The following MICU2 variants were observed in gnomAD, a reference collection of about 807,000 sequenced individuals.
The protein encoded by MICU2 is calcium uptake protein 2, mitochondrial.
MICU2 carries 64 observed loss-of-function variants against 60.4 expected under a neutral mutation model. The observed-to-expected ratio is 1.06, with a 90% CI of 0.87 to 1.31. The LOEUF (loss-of-function observed/expected upper bound fraction) is 1.31. MICU2 is among the 50% of genes most tolerant of loss of function. MICU2 has a pLI of 0.00. For missense variants in MICU2, 569 were observed against 531.0 expected (o/e 1.07, Z -0.70); for synonymous variants, 201 against 175.0 (o/e 1.15, Z -1.17).
intron 2 of MICU2, among the ~76,000 whole-genome samples, chr13:21,566,043 T>C (rs889420591): frequency 6.6e-6 from 1 of 152,216 alleles, no homozygotes; most frequent in Non-Finnish European, 1.5e-5. Flanking sequence ...TCACTGAATT[T>C]ATTGTCCCTA....
At chr13:21,539,743 T>C (rs910275252) in intron 2 of MICU2, 55 bp from the exon 3 acceptor site, 10 of 1,484,720 alleles carry the variant, frequency 6.7e-6, no homozygotes, top group African/African-American at 2.8e-5. Flanking sequence ...AAAACTCAAC[T>C]TGCACTAAGA....
At chr13:21,582,536 T>C (rs981391211) in intron 1 of MICU2, among the ~76,000 whole-genome samples, 1 of 152,254 alleles carries the variant, frequency 6.6e-6, no homozygotes, top group South Asian at 2.1e-4. Context: ...TTGTTAGATA[T>C]GAGTTCTAAA....
At chr13:21,493,777 C>T (rs1365019829) in intron 11 of MICU2, among the ~76,000 whole-genome samples, 5 of 145,218 alleles carry the variant, frequency 3.4e-5, no homozygotes, top group Non-Finnish European at 6.0e-5. Context: ...TTAACATTGG[C>T]TAAAATTAAA....
chr13:21,539,302 CT>C lies in MICU2; in HGVS notation c.465del (p.Leu157Ter). 6.2e-7 allele frequency: 1 copy of C among 1,613,114 alleles called. No homozygotes were observed. The part of the protein sequence containing the change: ...GSTFFRDLGD[K>X]GLISYTEYLF... ...AAATTTAACAACAAACCAAAATTAC[CT>C]TTATCGCCAAGGTCTCTGAAAAAAG... On this transcript the variant is annotated frameshift_variant and splice_region_variant, in exon 4 of 12. Transcript: ENST00000382374. LOFTEE classifies it high-confidence loss of function.
Position 21,538,581 on chromosome 13 carries a change from C to A in MICU2, c.466+721G>T, listed in dbSNP as rs1243850281. Among the ~76,000 whole-genome samples the A allele has an allele frequency of 2.6e-3, 234 of 91,184 alleles. 2 individuals are homozygous for A. The highest frequency in any genetic ancestry group is 6.0e-3 in the African/African-American group (171 of 28,384). 59.8% of individuals were successfully genotyped at this position (91,184 alleles called of 152,430 possible). Reference sequence around the variant, plus strand: ...CTGTCTCAAAAAAAAAAAAAAAAAACCCCAAACAACCCACACCAATACAAA... The same window carrying A: ...CTGTCTCAAAAAAAAAAAAAAAAAAACCCAAACAACCCACACCAATACAAA... On this transcript the variant is annotated intron_variant, in intron 4 of 11. Coordinates refer to ENST00000382374, the MANE Select transcript of MICU2 (RefSeq NM_152726.3).
chr13:21,521,427 ATGAG>A, intron 5 of MICU2, 100 bp from the exon 6 acceptor site: 2 of 806,050 alleles, frequency 2.5e-6, no homozygotes. Flanking sequence ...CAGAAACTGT[ATGAG>A]TAAGTGCCTA....
At position 21,566,836 on chromosome 13, in the gene MICU2, G is replaced by C. The variant is rs776458287; in HGVS notation, c.319C>G (p.Arg107Gly). The part of the protein sequence containing the change: ...EHEGEYYMTP[R>G]DFLFSVMFEQ... Reference sequence around the variant, plus strand: ...AACATCACTGAGAAGAGGAAGTCTCGTGGTGTCATATAATATTCTCCTTCA... The same window carrying C: ...AACATCACTGAGAAGAGGAAGTCTCCTGGTGTCATATAATATTCTCCTTCA... Residue 107 changes from arginine to glycine, a missense_variant, in exon 2 of 12, where the codon CGA becomes GGA. Transcript: ENST00000382374. 16 of 1,609,108 alleles carry C rather than the reference G, an allele frequency of 9.9e-6. No homozygotes were observed. In the Admixed American group the frequency reaches 2.0e-4, roughly 20 times the overall value.
chr13:21,506,535 T>C (rs535093666), intron 8 of MICU2, among the ~76,000 whole-genome samples: 1 of 152,228 alleles, frequency 6.6e-6, no homozygotes, highest in Non-Finnish European at 1.5e-5. Flanking sequence ...TGATTTTACA[T>C]AGAGGCTATT....
chr13:21,552,608 G>A (rs1405558322), intron 2 of MICU2, among the ~76,000 whole-genome samples: 5 of 152,064 alleles, frequency 3.3e-5, no homozygotes, highest in Admixed American at 6.6e-5. Context: ...ATTTTTGTAT[G>A]AGGTGTAAGG....
At chr13:21,498,546 T>G (rs2138130802) in intron 9 of MICU2, among the ~76,000 whole-genome samples, 1 of 152,186 alleles carries the variant, frequency 6.6e-6, no homozygotes, top group African/African-American at 2.4e-5. Context: ...GTCCGGCTAA[T>G]TTTTGTATTT....
At chr13:21,569,552 T>C (rs1411917364) in intron 1 of MICU2, among the ~76,000 whole-genome samples, 1 of 152,020 alleles carries the variant, frequency 6.6e-6, no homozygotes, top group Non-Finnish European at 1.5e-5. Flanking sequence ...CCACCTTCTC[T>C]GAAGAAAACA....
intron 1 of MICU2, among the ~76,000 whole-genome samples, chr13:21,569,988 T>C (rs1385609285): frequency 3.9e-5 from 6 of 152,094 alleles, no homozygotes; most frequent in African/African-American, 1.2e-4. Context: ...GTGTGGGTAA[T>C]GGTAGTTGGG....
At chr13:21,582,086 C>T (rs1048127236) in intron 1 of MICU2, among the ~76,000 whole-genome samples, 1 of 152,148 alleles carries the variant, frequency 6.6e-6, no homozygotes, top group Non-Finnish European at 1.5e-5. Flanking sequence ...ATGATAAATA[C>T]TTATAGCTTT....
intron 9 of MICU2, among the ~76,000 whole-genome samples, chr13:21,498,925 G>T (rs1037932496): frequency 1.3e-5 from 2 of 152,090 alleles, no homozygotes; most frequent in African/African-American, 4.8e-5. Context: ...CTGCTTTTCT[G>T]ATAGATGAAA....
Position 21,495,308 on chromosome 13 carries a change from C to G in MICU2, c.1053G>C (p.Lys351Asn). The change falls in exon 11 of 12, where the codon AAG becomes AAC. Residue 351 changes from lysine to asparagine, a missense_variant. By Grantham distance (94) the Lys-to-Asn change is moderately conservative (BLOSUM62 0). Transcript: ENST00000382374. ...AHRPVRLAEF[K>N]RAVKVATGQE... Reference sequence around the variant, plus strand: ...GTCCTGTTGCTACTTTCACAGCTCTCTTAAACTCCGCTAAAAAACAAACAT... The same window carrying G: ...GTCCTGTTGCTACTTTCACAGCTCTGTTAAACTCCGCTAAAAAACAAACAT... 6.3e-7 allele frequency: 1 copy of G among 1,592,802 alleles called. No individual in the cohort carries two copies. The highest frequency in any genetic ancestry group is 1.8e-5 in the Admixed American group (1 of 55,864).
intron 9 of MICU2, among the ~76,000 whole-genome samples, chr13:21,498,404 A>C (rs1886057086): frequency 9.2e-6 from 1 of 108,854 alleles, no homozygotes. Flanking sequence ...TTTTTGAGAC[A>C]GTCTCGCTCT....
chr13:21,552,282 T>G (rs1295879724), intron 2 of MICU2, among the ~76,000 whole-genome samples: 8 of 152,092 alleles, frequency 5.3e-5, no homozygotes, highest in Non-Finnish European at 7.3e-5. Context: ...GATGGGGTTG[T>G]TTTTTTCTTG....
chr13:21,517,799 ACGCGCG>A (rs758514044), intron 6 of MICU2, among the ~76,000 whole-genome samples: 15 of 136,332 alleles, frequency 1.1e-4, no homozygotes, highest in African/African-American at 4.0e-4. Flanking sequence ...ACACACACAC[ACGCGCG>A]CGCGCGCGCA....
At position 21,591,325 on chromosome 13, in the gene MICU2, T is replaced by A. The variant is rs147178486; in HGVS notation, c.210+12614A>T. ...CAAGGGAACAATTCAACAAGAGCTA[T>A]TCTAAATATATAGGCACCAATACAG... is the stretch of plus-strand genomic sequence containing the variant. On this transcript the variant is annotated intron_variant, in intron 1 of 11. Transcript: ENST00000382374. Among the ~76,000 whole-genome samples the A allele has an allele frequency of 2.3e-3, 350 of 152,108 alleles. 3 individuals carry two copies. The highest frequency in any genetic ancestry group is 7.7e-3 in the African/African-American group (318 of 41,496).
Sources: allele counts gnomAD v4.1 joint callset (sites outside exome capture counted in the v4.1 genomes callset), GRCh38; gene constraint gnomAD v4.1.1; transcripts MANE v1.5; gene names NCBI Gene and HGNC (gene_info 2026-07-23, HGNC 2026-07-21).